The following GALNT13 variants were observed in gnomAD, a reference collection of about 807,000 sequenced individuals.
The protein encoded by GALNT13 is polypeptide N-acetylgalactosaminyltransferase 13, also known as UDP-GalNAc:polypeptide N-acetylgalactosaminyltransferase 13.
Under a neutral mutation model 64.2 loss-of-function variants are expected in GALNT13, and 28 were observed. The ratio of observed to expected loss-of-function variants is 0.44; its 90% CI spans 0.32 to 0.60. The LOEUF (loss-of-function observed/expected upper bound fraction) is 0.60. Ranked by LOEUF, GALNT13 falls within the 20% of genes least tolerant of loss-of-function variation. The pLI, the probability that GALNT13 is intolerant of heterozygous loss-of-function variation, is 0.05. For missense variants in GALNT13, 577 were observed against 669.8 expected (o/e 0.86, Z 1.53); for synonymous variants, 214 against 224.6 (o/e 0.95, Z 0.42).
At chr2:154,439,731 C>T (rs1360805712) in intron 12 of GALNT13, among the ~76,000 whole-genome samples, 1 of 152,058 alleles carries the variant, frequency 6.6e-6, no homozygotes. Flanking sequence ...AAGTTGAATA[C>T]TAGAAAAATT....
At chr2:153,198,332 A>G in the GALNT13 span, among the ~76,000 whole-genome samples, 2 of 152,150 alleles carry the variant, frequency 1.3e-5, no homozygotes, top group Non-Finnish European at 2.9e-5. Context: ...CTCTTCCATG[A>G]CTAGAATTAC....
chr2:153,909,155 G>A (rs1688778686), intron 2 of GALNT13, among the ~76,000 whole-genome samples: 2 of 151,884 alleles, frequency 1.3e-5, no homozygotes, highest in South Asian at 4.1e-4. Context: ...TTTTGTCACA[G>A]TTGTGAATGG....
the GALNT13 span, among the ~76,000 whole-genome samples, chr2:153,103,434 C>G: frequency 6.6e-6 from 1 of 152,200 alleles, no homozygotes; most frequent in African/African-American, 2.4e-5. Context: ...GCCCCCAGCT[C>G]TGTATCTCAT....
At chr2:153,377,161 G>A in the GALNT13 span, among the ~76,000 whole-genome samples, 68 of 152,272 alleles carry the variant, frequency 4.5e-4, 2 homozygotes, top group African/African-American at 1.6e-3. Context: ...ACAGAAGAAA[G>A]AGTATGGGGA....
the GALNT13 span, among the ~76,000 whole-genome samples, chr2:153,559,314 A>T: frequency 6.6e-6 from 1 of 152,274 alleles, no homozygotes; most frequent in African/African-American, 2.4e-5. Flanking sequence ...TATGTCTCTT[A>T]AGTGGCTTTA....
the GALNT13 span, among the ~76,000 whole-genome samples, chr2:153,439,953 C>G: frequency 6.6e-6 from 1 of 152,278 alleles, no homozygotes; most frequent in African/African-American, 2.4e-5. Context: ...ATTCGGCCGT[C>G]TTGGCCTACT....
chr2:153,811,670 A>C, the GALNT13 span, among the ~76,000 whole-genome samples: 4 of 152,228 alleles, frequency 2.6e-5, no homozygotes, highest in Non-Finnish European at 5.9e-5. Context: ...CAAAGCCTAC[A>C]GTTTGGAGCT....
the GALNT13 span, among the ~76,000 whole-genome samples, chr2:153,496,208 C>A: frequency 6.6e-6 from 1 of 152,162 alleles, no homozygotes; most frequent in Non-Finnish European, 1.5e-5. Context: ...TAGCATTGTT[C>A]CATTTTCTTT....
chr2:153,294,685 A>G, the GALNT13 span, among the ~76,000 whole-genome samples: 1 of 152,178 alleles, frequency 6.6e-6, no homozygotes, highest in African/African-American at 2.4e-5. Context: ...CTGTTGGTGG[A>G]TGGAACTACA....
At chr2:153,440,624 C>T in the GALNT13 span, among the ~76,000 whole-genome samples, 7 of 152,182 alleles carry the variant, frequency 4.6e-5, no homozygotes, top group Non-Finnish European at 7.3e-5. Flanking sequence ...TTTTTCCTAA[C>T]TTTTTAATGA....
the GALNT13 span, among the ~76,000 whole-genome samples, chr2:153,643,890 A>C: frequency 7.2e-5 from 11 of 152,002 alleles, no homozygotes; most frequent in Admixed American, 5.3e-4. Flanking sequence ...CACTATAAAA[A>C]ATTTTGGCAA....
At chr2:153,931,091 G>A (rs1690485079) in intron 2 of GALNT13, among the ~76,000 whole-genome samples, 1 of 150,984 alleles carries the variant, frequency 6.6e-6, no homozygotes, top group African/African-American at 2.4e-5. Context: ...GTGTGTGTGT[G>A]TGTGTGTGTG....
the GALNT13 span, among the ~76,000 whole-genome samples, chr2:153,820,861 T>C: frequency 6.6e-6 from 1 of 151,960 alleles, no homozygotes; most frequent in Non-Finnish European, 1.5e-5. Context: ...ACCTTACATA[T>C]CAATATTAAC....
At chr2:153,198,070 C>T in the GALNT13 span, among the ~76,000 whole-genome samples, 20 of 152,148 alleles carry the variant, frequency 1.3e-4, no homozygotes, top group African/African-American at 2.2e-4. Flanking sequence ...ACTGATGTCT[C>T]GCTGCTGCAG....
the GALNT13 span, among the ~76,000 whole-genome samples, chr2:153,599,427 C>T: frequency 6.6e-6 from 1 of 152,030 alleles, no homozygotes; most frequent in Non-Finnish European, 1.5e-5. Flanking sequence ...AAGCACCATT[C>T]TGCTGTGTAT....
intron 4 of GALNT13, among the ~76,000 whole-genome samples, chr2:154,175,839 T>C (rs1392659658): frequency 1.3e-5 from 2 of 152,180 alleles, no homozygotes; most frequent in South Asian, 4.1e-4. Flanking sequence ...ATAATGTTCT[T>C]ATGAAAAATC....
chr2:153,499,102 C>A, the GALNT13 span, among the ~76,000 whole-genome samples: 2 of 152,184 alleles, frequency 1.3e-5, no homozygotes, highest in African/African-American at 4.8e-5. Flanking sequence ...CCGCCCGCCT[C>A]GGCCTCCCAA....
intron 10 of GALNT13, among the ~76,000 whole-genome samples, chr2:154,396,481 C>T (rs1484086959): frequency 6.6e-6 from 1 of 152,012 alleles, no homozygotes; most frequent in Non-Finnish European, 1.5e-5. Context: ...CTTTAAAACC[C>T]ATTTTTTACT....
the GALNT13 span, chr2:153,478,535 C>A: frequency 1.2e-6 from 2 of 1,604,734 alleles, no homozygotes; most frequent in East Asian, 2.2e-5. Flanking sequence ...AGGCCCGCCA[C>A]GTCCGTCTGG....
Sources: allele counts gnomAD v4.1 joint callset (sites outside exome capture counted in the v4.1 genomes callset), GRCh38; gene constraint gnomAD v4.1.1; transcripts MANE v1.5; gene names NCBI Gene and HGNC (gene_info 2026-07-23, HGNC 2026-07-21).